Variants in CTNNA2 observed in about 807,000 individuals in gnomAD.
CTNNA2 encodes the protein catenin alpha-2.
In CTNNA2, 42 loss-of-function variants were observed where a neutral mutation model predicts 101.0. That is an observed-to-expected ratio of 0.42 (90% CI 0.32 to 0.54). The LOEUF (loss-of-function observed/expected upper bound fraction) is 0.54, where lower values mean the gene tolerates loss of function less well. Among genes scored for constraint, CTNNA2 ranks in the 20% least tolerant of loss-of-function variants. The pLI is 0.14. For missense variants in CTNNA2, 871 were observed against 1,223.1 expected (o/e 0.71, Z 4.29); for synonymous variants, 450 against 456.4 (o/e 0.99, Z 0.18).
intron 7 of CTNNA2, among the ~76,000 whole-genome samples, chr2:80,359,090 A>G (rs6547306): frequency 0.39 from 59,871 of 151,900 alleles, 14,508 homozygotes; most frequent in African/African-American, 0.69. Context: ...AAACCTTTTT[A>G]GCCGCTGAGT....
At chr2:79,872,252 C>A (rs940150650) in intron 5 of CTNNA2, among the ~76,000 whole-genome samples, 6 of 151,848 alleles carry the variant, frequency 4.0e-5, no homozygotes, top group Non-Finnish European at 7.4e-5. Context: ...TCAACCAATT[C>A]TTGGTAATTC....
At position 80,102,503 on chromosome 2, in the gene CTNNA2, A is replaced by G. The variant is rs1453953527; in HGVS notation, c.1056+192706A>G. Among the ~76,000 whole-genome samples, 11 of 152,114 alleles carry G rather than the reference A, an allele frequency of 7.2e-5. No homozygotes were observed. The South Asian group carries it at 2.3e-3, about 32-fold the overall frequency. On this transcript the variant is annotated intron_variant, in intron 7 of 18. Coordinates refer to ENST00000402739, the MANE Select transcript of CTNNA2 (RefSeq NM_001282597.3). ...AACCTGCAATCCACTAAATTTGTTT[A>G]TTTATTTATTTATGTATTTATTTAG...
intron 7 of CTNNA2, among the ~76,000 whole-genome samples, chr2:79,956,843 GTTTTTTTTTTTTT>G (rs66471325): frequency 6.1e-5 from 6 of 98,936 alleles, no homozygotes; most frequent in Non-Finnish European, 1.1e-4. Flanking sequence ...ATACGTGTGG[GTTTTTTTTTTTTT>G]TTTTTTTTTT....
intron 4 of CTNNA2, among the ~76,000 whole-genome samples, chr2:79,429,922 A>G (rs1200090781): frequency 6.6e-6 from 1 of 152,174 alleles, no homozygotes; most frequent in Non-Finnish European, 1.5e-5. Context: ...TAGTAAGCCA[A>G]GTCATCTTTA....
At chr2:80,628,843 C>G (rs1262961039) in intron 18 of CTNNA2, among the ~76,000 whole-genome samples, 1 of 152,042 alleles carries the variant, frequency 6.6e-6, no homozygotes, top group African/African-American at 2.4e-5. Context: ...TATGAGGAAT[C>G]TGAAAAGCAC....
At chr2:79,525,091 A>T (rs979923515) in intron 1 of CTNNA2, among the ~76,000 whole-genome samples, 2 of 151,830 alleles carry the variant, frequency 1.3e-5, no homozygotes, top group Admixed American at 1.3e-4. Flanking sequence ...TTTTTTAAAT[A>T]TTTTGTCATC....
At chr2:79,884,273 G>T (rs957689083) in intron 6 of CTNNA2, among the ~76,000 whole-genome samples, 2 of 152,036 alleles carry the variant, frequency 1.3e-5, no homozygotes, top group African/African-American at 4.8e-5. Context: ...TCAACCTACA[G>T]AAAATGTATT....
intron 2 of CTNNA2, among the ~76,000 whole-genome samples, chr2:79,200,010 A>T (rs959281786): frequency 6.7e-6 from 1 of 149,932 alleles, no homozygotes; most frequent in Admixed American, 6.6e-5. Flanking sequence ...GAATAGTTCA[A>T]TTGAGACGTA....
rs573632579 is a variant in CTNNA2, at chr2:79,416,186, C to G, written c.-135+42173C>G. On this transcript the variant is annotated intron_variant, in intron 4 of 21. Coordinates refer to the CTNNA2 transcript ENST00000466387. Reference sequence around the variant, plus strand: ...TTTCTGAGCTTCACACTTTCCAAGTCATCTTCTTTTTCACATTAGGAGCAG... The same window carrying G: ...TTTCTGAGCTTCACACTTTCCAAGTGATCTTCTTTTTCACATTAGGAGCAG... Among the ~76,000 whole-genome samples the G allele has an allele frequency of 2.0e-5, 3 of 150,828 alleles. No homozygotes were observed. In the South Asian group the frequency reaches 6.3e-4, roughly 32 times the overall value.
At chr2:79,749,536 C>T (rs1242646829) in intron 3 of CTNNA2, among the ~76,000 whole-genome samples, 2 of 151,930 alleles carry the variant, frequency 1.3e-5, no homozygotes, top group Admixed American at 6.6e-5. Flanking sequence ...AAGTTTAAAC[C>T]GTATCAGAAT....
intron 7 of CTNNA2, among the ~76,000 whole-genome samples, chr2:80,058,843 A>T (rs1697394839): frequency 6.6e-6 from 1 of 152,118 alleles, no homozygotes; most frequent in Non-Finnish European, 1.5e-5. Context: ...ATGCTTCCTC[A>T]GGCATTTTCT....
At chr2:79,916,030 C>T (rs553492857) in intron 7 of CTNNA2, among the ~76,000 whole-genome samples, 97 of 152,274 alleles carry the variant, frequency 6.4e-4, no homozygotes, top group African/African-American at 2.3e-3. Context: ...GAATAAGGCT[C>T]ATCGTTGATT....
intron 3 of CTNNA2, among the ~76,000 whole-genome samples, chr2:79,794,052 G>A (rs1473404531): frequency 6.6e-6 from 1 of 151,882 alleles, no homozygotes; most frequent in African/African-American, 2.4e-5. Context: ...TCAGGGATGG[G>A]TGCACCAAAG....
chr2:79,389,422 A>AT (rs1193283709), intron 4 of CTNNA2, among the ~76,000 whole-genome samples: 1 of 152,208 alleles, frequency 6.6e-6, no homozygotes, highest in Non-Finnish European at 1.5e-5. Context: ...GATAAAAAGC[A>AT]TGGGGGAGAA....
At chr2:79,594,838 A>G (rs1037853096) in intron 1 of CTNNA2, among the ~76,000 whole-genome samples, 1 of 152,144 alleles carries the variant, frequency 6.6e-6, no homozygotes, top group Admixed American at 6.5e-5. Context: ...TTATATCATC[A>G]TTATCATTAT....
chr2:80,268,595 A>G (rs1673203672), intron 7 of CTNNA2, among the ~76,000 whole-genome samples: 1 of 152,182 alleles, frequency 6.6e-6, no homozygotes, highest in South Asian at 2.1e-4. Context: ...TTTCTCACAC[A>G]TAACTTTACT....
chr2:79,402,156 T>C (rs1263519963), intron 4 of CTNNA2, among the ~76,000 whole-genome samples: 1 of 151,686 alleles, frequency 6.6e-6, no homozygotes, highest in Non-Finnish European at 1.5e-5. Context: ...CAAAAATGCC[T>C]TAAGGAAAAA....
chr2:79,389,320 G>A (rs1277471591), intron 4 of CTNNA2, among the ~76,000 whole-genome samples: 1 of 152,142 alleles, frequency 6.6e-6, no homozygotes, highest in Non-Finnish European at 1.5e-5. Context: ...GCTGTTTGCA[G>A]CCTGAATGTC....
intron 4 of CTNNA2, among the ~76,000 whole-genome samples, chr2:79,860,500 T>A (rs556054630): frequency 3.8e-4 from 57 of 149,070 alleles, no homozygotes; most frequent in African/African-American, 1.3e-3. Flanking sequence ...CCTGCTGTAA[T>A]GGGGAGTCAA....
Sources: allele counts gnomAD v4.1 joint callset (sites outside exome capture counted in the v4.1 genomes callset), GRCh38; gene constraint gnomAD v4.1.1; transcripts MANE v1.5; gene names NCBI Gene and HGNC (gene_info 2026-07-23, HGNC 2026-07-21).